ANK3: variants seen among roughly 807,000 people sequenced by gnomAD.
ANK3 encodes ankyrin-3.
ANK3 carries 57 observed loss-of-function variants against 370.9 expected under a neutral mutation model. The ratio of observed to expected loss-of-function variants is 0.15; its 90% CI spans 0.12 to 0.19. The LOEUF (loss-of-function observed/expected upper bound fraction) is 0.19. Among genes scored for constraint, ANK3 ranks in the 10% least tolerant of loss-of-function variants. The pLI is 1.00. For missense variants in ANK3, 4,439 were observed against 5,302.1 expected (o/e 0.84, Z 5.06); for synonymous variants, 1,929 against 1,946.3 (o/e 0.99, Z 0.23).
At chr10:60,529,106 A>T (rs901933005) in intron 2 of ANK3, among the ~76,000 whole-genome samples, 1 of 152,142 alleles carries the variant, frequency 6.6e-6, no homozygotes, top group African/African-American at 2.4e-5. Context: ...CATGCACAGA[A>T]GGTATGTGCA....
At chr10:60,490,274 C>T (rs2075459448) in intron 2 of ANK3, among the ~76,000 whole-genome samples, 2 of 152,196 alleles carry the variant, frequency 1.3e-5, no homozygotes, top group Non-Finnish European at 2.9e-5. Flanking sequence ...CTTCTTGGCA[C>T]ATTCTCAGGG....
intron 1 of ANK3, among the ~76,000 whole-genome samples, chr10:60,363,254 C>G (rs539793600): frequency 6.6e-6 from 1 of 152,044 alleles, no homozygotes; most frequent in Non-Finnish European, 1.5e-5. Flanking sequence ...CAGCATGGAA[C>G]GAAGGGAGCG....
intron 42 of ANK3, among the ~76,000 whole-genome samples, chr10:60,051,208 A>G (rs1314859084): frequency 6.6e-6 from 1 of 152,258 alleles, no homozygotes; most frequent in Non-Finnish European, 1.5e-5. Context: ...TCTTCAAGGA[A>G]AGCAGGATAC....
chr10:60,372,559 A>G (rs1374047036), intron 1 of ANK3, among the ~76,000 whole-genome samples: 2 of 152,192 alleles, frequency 1.3e-5, no homozygotes, highest in Admixed American at 6.5e-5. Flanking sequence ...AGCATGTTCT[A>G]ACAATCAGAA....
Position 60,132,025 on chromosome 10 carries a change from C to T in ANK3, c.2841+2246G>A, listed in dbSNP as rs865800904. Among the ~76,000 whole-genome samples the T allele has an allele frequency of 1.7e-4, 26 of 152,222 alleles. No homozygotes were observed. The Middle Eastern group carries it at 0.014, about 80-fold the overall frequency. On this transcript the variant is annotated intron_variant, in intron 25 of 43. Transcript: ENST00000280772. ...TCCTTAGAGTGTAGAGAATAACAGGCATTTTTATACTTACAAGTGGTATCA... is the reference window on the plus strand; with the variant it reads ...TCCTTAGAGTGTAGAGAATAACAGGTATTTTTATACTTACAAGTGGTATCA...
chr10:60,264,000 T>G lies in ANK3; in HGVS notation c.534A>C (p.Ala178=). The G allele has an allele frequency of 1.2e-6, 2 of 1,614,100 alleles. No homozygotes were observed. Among genetic ancestry groups the G allele is most frequent in the Non-Finnish European group, 1.7e-6 (2 of 1,179,996 alleles). Residue 178 remains alanine (A), a synonymous_variant, in exon 6 of 44, where the codon GCA becomes GCC. Coordinates refer to ENST00000280772, the MANE Select transcript of ANK3 (RefSeq NM_020987.5). The stretch of plus-strand genomic sequence containing the variant: ...GGTCGTGACCTTGTTGCAAAGCCAC[T>G]GCCAATGGTGTGAAGCCATCCTGCA... ...LATEDGFTPL[A]VALQQGHDQV... is the part of the protein sequence containing the mutation.
chr10:60,324,793 G>C (rs1046360931), intron 1 of ANK3, among the ~76,000 whole-genome samples: 5 of 152,034 alleles, frequency 3.3e-5, no homozygotes, highest in African/African-American at 1.2e-4. Context: ...AAAAATATAA[G>C]GTCATTGAGC....
rs61044916 is a variant in ANK3, at chr10:60,732,879, C to T, written c.57+384G>A. ...CCTGGCACGGAGTTGGAGGGGCGAG[C>T]CAAGAGCAGAGAAGCCCCAAGACGA... On this transcript the variant is annotated intron_variant, in intron 1 of 43. Coordinates refer to the ANK3 transcript ENST00000373827. Among the ~76,000 whole-genome samples the T allele has an allele frequency of 8.1e-3, 1,238 of 151,948 alleles. 15 individuals carry two copies. The highest frequency in any genetic ancestry group is 0.028 in the African/African-American group (1,178 of 41,406).
At chr10:60,446,068 C>T (rs979595122) in intron 2 of ANK3, among the ~76,000 whole-genome samples, 4 of 152,084 alleles carry the variant, frequency 2.6e-5, no homozygotes, top group African/African-American at 7.2e-5. Context: ...CTTTAAATAC[C>T]CAGCTTGAAA....
chr10:60,177,654 G>C (rs1233348712), intron 18 of ANK3, among the ~76,000 whole-genome samples: 1 of 145,826 alleles, frequency 6.9e-6, no homozygotes, highest in African/African-American at 2.5e-5. Flanking sequence ...CTGGAGTGCA[G>C]TGGTGCGACC....
At chr10:60,203,172 C>T (rs1476446311) in intron 11 of ANK3, 72 bp from the exon 12 acceptor site, 7 of 995,708 alleles carry the variant, frequency 7.0e-6, no homozygotes, top group Admixed American at 1.9e-5. Context: ...GCCTGCCTGC[C>T]TGTCATCCAT....
intron 42 of ANK3, among the ~76,000 whole-genome samples, chr10:60,048,253 T>C (rs1338376869): frequency 6.6e-6 from 1 of 152,118 alleles, no homozygotes; most frequent in Non-Finnish European, 1.5e-5. Flanking sequence ...TGGCAAACAG[T>C]GTTAACTATG....
intron 28 of ANK3, among the ~76,000 whole-genome samples, chr10:60,101,930 A>C (rs904696916): frequency 1.3e-5 from 2 of 152,060 alleles, no homozygotes; most frequent in Non-Finnish European, 2.9e-5. Context: ...TTTCACAGGC[A>C]TCATTCATTT....
chr10:60,230,849 A>G (rs2097231221), intron 8 of ANK3, among the ~76,000 whole-genome samples: 1 of 150,634 alleles, frequency 6.6e-6, no homozygotes, highest in African/African-American at 2.4e-5. Context: ...AGATTGCGCC[A>G]CTGCACTCCA....
At chr10:60,039,070 C>T (rs1307903806) in intron 43 of ANK3, among the ~76,000 whole-genome samples, 1 of 152,176 alleles carries the variant, frequency 6.6e-6, no homozygotes, top group Admixed American at 6.5e-5. Flanking sequence ...TTTCTTTTTC[C>T]CATTGCAGAC....
chr10:60,341,714 G>A (rs569504987), intron 1 of ANK3, among the ~76,000 whole-genome samples: 8 of 152,270 alleles, frequency 5.3e-5, no homozygotes, highest in African/African-American at 1.9e-4. Context: ...GTGCTTTAAA[G>A]AGAGTCAGCA....
At chr10:60,164,053 G>C (rs2095560908) in intron 23 of ANK3, among the ~76,000 whole-genome samples, 1 of 152,156 alleles carries the variant, frequency 6.6e-6, no homozygotes, top group Admixed American at 6.6e-5. Context: ...AAGACTATCA[G>C]GCAAATGAGT....
At chr10:60,079,474 G>A (rs1289186863) in intron 36 of ANK3, among the ~76,000 whole-genome samples, 6 of 152,034 alleles carry the variant, frequency 3.9e-5, no homozygotes, top group Non-Finnish European at 5.9e-5. Flanking sequence ...GTGTCCTGCC[G>A]CAGATCTTAT....
intron 7 of ANK3, among the ~76,000 whole-genome samples, chr10:60,240,296 AT>A (rs1285304248): frequency 3.1e-4 from 31 of 101,382 alleles, no homozygotes; most frequent in African/African-American, 1.0e-3. Context: ...ATATATATAT[AT>A]ATATATATAT....
Sources: allele counts gnomAD v4.1 joint callset (sites outside exome capture counted in the v4.1 genomes callset), GRCh38; gene constraint gnomAD v4.1.1; transcripts MANE v1.5; gene names NCBI Gene and HGNC (gene_info 2026-07-23, HGNC 2026-07-21).